Variants in RSU1 observed in about 807,000 individuals in gnomAD.
The protein encoded by RSU1 is rsu-1.
In RSU1, 26 loss-of-function variants were observed where a neutral mutation model predicts 31.1. That is an observed-to-expected ratio of 0.84 (90% CI 0.61 to 1.16). RSU1 has a LOEUF of 1.16. Among genes scored for constraint, RSU1 ranks in the 50% most tolerant of loss-of-function variants. The pLI is 0.00. For synonymous variants in RSU1, 164 were observed against 136.3 expected, an observed-to-expected ratio of 1.20 and a Z score of -1.41; for missense variants, 320 against 339.1, an observed-to-expected ratio of 0.94 and a Z score of 0.44.
chr10:16,762,945 G>A (rs1159897046), intron 4 of RSU1, among the ~76,000 whole-genome samples: 1 of 151,692 alleles, frequency 6.6e-6, no homozygotes, highest in Non-Finnish European at 1.5e-5. Flanking sequence ...CCCAGGAGGC[G>A]GAGGCTGCAG....
intron 8 of RSU1, among the ~76,000 whole-genome samples, chr10:16,641,662 A>G (rs147402731): frequency 6.6e-6 from 1 of 152,230 alleles, no homozygotes; most frequent in Non-Finnish European, 1.5e-5. Context: ...TTCCATTGCC[A>G]ACAACAGCCC....
intron 8 of RSU1, among the ~76,000 whole-genome samples, chr10:16,666,503 C>T (rs569273732): frequency 2.6e-5 from 4 of 152,256 alleles, no homozygotes; most frequent in East Asian, 1.9e-4. Flanking sequence ...CTGGGCCAGG[C>T]GTGGTGGCTC....
In RSU1 at chr10:16,670,410, T is replaced by A. The variant is rs533572684; in HGVS notation, c.731+24613A>T. Among the ~76,000 whole-genome samples, 5 of 152,272 alleles carry A rather than the reference T, an allele frequency of 3.3e-5. No individual in the cohort carries two copies. The South Asian group carries it at 6.2e-4, about 19-fold the overall frequency. On this transcript the variant is annotated intron_variant, in intron 8 of 8. Transcript: ENST00000345264. ...AGCAATGCATACCCACAGACATGAA[T>A]TGATAAACTGAGAACCTACCTCTTC...
At position 16,595,293 on chromosome 10, in the gene RSU1, T is replaced by C. The variant is rs555732365; in HGVS notation, c.732-1797A>G. Among the ~76,000 whole-genome samples, 7 of 152,218 alleles carry C rather than the reference T, an allele frequency of 4.6e-5. No individual in the cohort carries two copies. The South Asian group carries it at 1.5e-3, about 32-fold the overall frequency. On this transcript the variant is annotated intron_variant, in intron 8 of 8. Transcript: ENST00000345264. ...AGGGCTGGCAGATGGAACTGCCCAG[T>C]TGATTTTGTGATCCAGGAAAGCTGG...
rs1297768651 is a variant in RSU1, at chr10:16,645,964, GTGTA to G, written c.731+49055_731+49058del. On this transcript the variant is annotated intron_variant, in intron 8 of 8. Transcript: ENST00000345264. ...TATATATATGTGTATATACATATAT[GTGTA>G]TATATATGTGTATATACATATATGT... is the stretch of plus-strand genomic sequence containing the variant. Among the ~76,000 whole-genome samples the G allele has an allele frequency of 8.4e-4, 25 of 29,672 alleles. 3 individuals carry two copies. Among genetic ancestry groups the G allele is most frequent in the South Asian group, 2.2e-3 (1 of 458 alleles). The allele number at this position is 29,672 out of a possible 152,430, so 19.5% of individuals were successfully genotyped here.
chr10:16,695,019 T>C lies in RSU1; in HGVS notation c.731+4A>G. Reference sequence around the variant, plus strand: ...ACTATTTCAGAAAATCAGAGTCTACTTACTATTTGTATGTCTCAGAACGGA... The same window carrying C: ...ACTATTTCAGAAAATCAGAGTCTACCTACTATTTGTATGTCTCAGAACGGA... On this transcript the variant is annotated splice_donor_region_variant and intron_variant, in intron 8 of 8. Transcript: ENST00000345264. 6.2e-7 allele frequency: 1 copy of C among 1,606,488 alleles called. No homozygotes were observed. The highest frequency in any genetic ancestry group is 8.5e-7 in the Non-Finnish European group (1 of 1,177,154).
chr10:16,651,768 G>A (rs1834687661), intron 8 of RSU1, among the ~76,000 whole-genome samples: 1 of 152,138 alleles, frequency 6.6e-6, no homozygotes, highest in Non-Finnish European at 1.5e-5. Flanking sequence ...TACTTTAAAA[G>A]CTTGACTTAC....
At chr10:16,604,759 T>C (rs1833772801) in intron 8 of RSU1, among the ~76,000 whole-genome samples, 1 of 152,122 alleles carries the variant, frequency 6.6e-6, no homozygotes, top group Non-Finnish European at 1.5e-5. Context: ...CTGATGTTAG[T>C]GTCAACATGA....
At chr10:16,658,191 T>C (rs1834825891) in intron 8 of RSU1, among the ~76,000 whole-genome samples, 1 of 152,198 alleles carries the variant, frequency 6.6e-6, no homozygotes, top group Non-Finnish European at 1.5e-5. Flanking sequence ...TCATTTTGTA[T>C]GTCAATTTGT....
chr10:16,787,348 C>T (rs781031650), intron 2 of RSU1, among the ~76,000 whole-genome samples: 3 of 152,104 alleles, frequency 2.0e-5, no homozygotes, highest in Non-Finnish European at 2.9e-5. Flanking sequence ...CTCACTCTGC[C>T]CTGATACTAA....
chr10:16,675,200 C>CAAAAAAAAAAAA (rs4012468), intron 8 of RSU1, among the ~76,000 whole-genome samples: 1 of 95,506 alleles, frequency 1.0e-5, no homozygotes, highest in African/African-American at 4.2e-5. Context: ...GACTCTGTCT[C>CAAAAAAAAAAAA]AAAAAAAAAA....
intron 8 of RSU1, among the ~76,000 whole-genome samples, chr10:16,671,951 T>A (rs530172524): frequency 4.5e-4 from 68 of 151,056 alleles, no homozygotes; most frequent in Non-Finnish European, 7.8e-4. Context: ...AAGTGAGAAA[T>A]TGTATATCAG....
intron 4 of RSU1, among the ~76,000 whole-genome samples, chr10:16,756,311 C>T (rs78840518): frequency 0.021 from 3,180 of 152,192 alleles, 125 homozygotes; most frequent in African/African-American, 0.072. Flanking sequence ...ACTACAAAGA[C>T]GGTACATTTT....
intron 2 of RSU1, among the ~76,000 whole-genome samples, chr10:16,807,654 C>G (rs1266746109): frequency 6.6e-6 from 1 of 152,084 alleles, no homozygotes; most frequent in Non-Finnish European, 1.5e-5. Context: ...GCTCTGCAAC[C>G]ATCCTGTAAA....
At chr10:16,742,688 T>G (rs1256508784) in intron 7 of RSU1, among the ~76,000 whole-genome samples, 1 of 152,196 alleles carries the variant, frequency 6.6e-6, no homozygotes, top group African/African-American at 2.4e-5. Context: ...AGCATCCTAT[T>G]AAATCAAAGG....
chr10:16,739,586 T>G (rs1008258431), intron 7 of RSU1, among the ~76,000 whole-genome samples: 1 of 146,370 alleles, frequency 6.8e-6, no homozygotes, highest in Non-Finnish European at 1.5e-5. Flanking sequence ...TTCTCCTGCC[T>G]CAGCCTCCTG....
rs139910019 is a variant in RSU1, at chr10:16,796,317, T to A, written c.110-14233A>T. ...CATTGATCATCAATCAGCCCCTAAG[T>A]CAAACTTAGGTGTGTTTCTTCTGAT... On this transcript the variant is annotated intron_variant, in intron 2 of 8. Coordinates refer to ENST00000345264, the MANE Select transcript of RSU1 (RefSeq NM_012425.4). Among the ~76,000 whole-genome samples, 1,016 of 152,268 alleles carry A rather than the reference T, an allele frequency of 6.7e-3. 6 individuals are homozygous for A. The highest frequency in any genetic ancestry group is 0.011 in the Non-Finnish European group (743 of 68,000).
At chr10:16,790,947 T>C (rs1037135639) in intron 2 of RSU1, among the ~76,000 whole-genome samples, 1 of 152,168 alleles carries the variant, frequency 6.6e-6, no homozygotes, top group African/African-American at 2.4e-5. Flanking sequence ...AAACCTCTTT[T>C]CTTCAGAAAC....
At chr10:16,733,333 TAAAAAAAAAA>T (rs569239845) in intron 7 of RSU1, among the ~76,000 whole-genome samples, 1 of 79,642 alleles carries the variant, frequency 1.3e-5, no homozygotes, top group Non-Finnish European at 2.4e-5. Flanking sequence ...TCTACGACAA[TAAAAAAAAAA>T]AAAAAAAAAA....
Sources: allele counts gnomAD v4.1 joint callset (sites outside exome capture counted in the v4.1 genomes callset), GRCh38; gene constraint gnomAD v4.1.1; transcripts MANE v1.5; gene names NCBI Gene and HGNC (gene_info 2026-07-23, HGNC 2026-07-21).